The following CDH2 variants were observed in gnomAD, a reference collection of about 807,000 sequenced individuals.
CDH2 encodes the protein cadherin 2, also known as cadherin-2.
In CDH2, 17 loss-of-function variants were observed where a neutral mutation model predicts 92.0. The ratio of observed to expected loss-of-function variants is 0.18; its 90% CI spans 0.13 to 0.28. The LOEUF is 0.28. Among genes scored for constraint, CDH2 ranks in the 10% least tolerant of loss-of-function variants. The pLI, the probability that CDH2 is intolerant of heterozygous loss-of-function variation, is 1.00. For synonymous variants in CDH2, 419 were observed against 415.9 expected, an observed-to-expected ratio of 1.01 and a Z score of -0.09; for missense variants, 862 against 1,133.1, an observed-to-expected ratio of 0.76 and a Z score of 3.44.
At chr18:28,135,568 T>G (rs2015847894) in intron 2 of CDH2, among the ~76,000 whole-genome samples, 1 of 152,176 alleles carries the variant, frequency 6.6e-6, no homozygotes, top group Admixed American at 6.5e-5. Context: ...TGTGAGATTA[T>G]CCCATAAGGG....
At chr18:28,120,233 G>A (rs1367105488) in intron 2 of CDH2, among the ~76,000 whole-genome samples, 2 of 151,818 alleles carry the variant, frequency 1.3e-5, no homozygotes, top group Non-Finnish European at 2.9e-5. Flanking sequence ...TACACACACA[G>A]GCACATTCAT....
At chr18:28,026,491 A>G (rs942257634) in intron 2 of CDH2, among the ~76,000 whole-genome samples, 2 of 152,094 alleles carry the variant, frequency 1.3e-5, no homozygotes, top group Non-Finnish European at 2.9e-5. Flanking sequence ...CCAGAATGAC[A>G]GAGGTATCAA....
rs377330457 is a variant in CDH2 at position 28,144,252 on chromosome 18, A to G, written c.172+3421T>C. On this transcript the variant is annotated intron_variant, in intron 2 of 15. Transcript: ENST00000269141. ...TATTTTTAAAATGAAGAGTTTGGCCATAAATGCTTTTAAAACAGAATAGAA... is the reference window on the plus strand; with the variant it reads ...TATTTTTAAAATGAAGAGTTTGGCCGTAAATGCTTTTAAAACAGAATAGAA... 2.0e-5 allele frequency among the ~76,000 whole-genome samples: 3 copies of G among 152,182 alleles called. No homozygotes were observed. The South Asian group carries it at 6.2e-4, about 32-fold the overall frequency.
At chr18:28,008,739 T>A (rs2013012855) in intron 5 of CDH2, among the ~76,000 whole-genome samples, 2 of 149,202 alleles carry the variant, frequency 1.3e-5, no homozygotes, top group African/African-American at 4.9e-5. Context: ...ACTTAAAGTA[T>A]AATATAAAAA....
chr18:27,942,522 C>T lies in CDH2; in HGVS notation c.1152-9398G>A, dbSNP rs561580968. On this transcript the variant is annotated intron_variant, in intron 6 of 6. Transcript: ENST00000675173. ...CTAGGGAGAATCATACCAGTCTGTACCTCTGGCCATGTTTAATTTCTTCTC... is the reference window on the plus strand; with the variant it reads ...CTAGGGAGAATCATACCAGTCTGTATCTCTGGCCATGTTTAATTTCTTCTC... Among the ~76,000 whole-genome samples, 17 of 152,232 alleles carry T rather than the reference C, an allele frequency of 1.1e-4. No individual in the cohort carries two copies. The South Asian group carries it at 2.7e-3, about 24-fold the overall frequency.
rs973972520 is a variant in CDH2 at position 28,079,081 on chromosome 18, T to C, written c.173-65172A>G. Among the ~76,000 whole-genome samples, 15 of 152,310 alleles carry C rather than the reference T, an allele frequency of 9.8e-5. No individual in the cohort carries two copies. In the East Asian group the frequency reaches 2.1e-3, roughly 22 times the overall value. ...CAACTTAGTAAATCCTCAGCAAATATTTGCTCAATAAGATAGTAAAATCGT... is the reference window on the plus strand; with the variant it reads ...CAACTTAGTAAATCCTCAGCAAATACTTGCTCAATAAGATAGTAAAATCGT... On this transcript the variant is annotated intron_variant, in intron 2 of 15. Transcript: ENST00000269141.
rs192120155 is a variant in CDH2 at position 27,958,817 on chromosome 18, G to A, written c.2514+4540C>T. 8.5e-5 allele frequency among the ~76,000 whole-genome samples: 13 copies of A among 152,182 alleles called. No homozygotes were observed. In the East Asian group the frequency reaches 1.4e-3, roughly 16 times the overall value. On this transcript the variant is annotated intron_variant, in intron 15 of 15. Transcript: ENST00000269141. ...TATGCTGCCGCTCTCACGATAGTGC[G>A]TTCTCATGAGATCTGATGGTTTTGT... is the stretch of plus-strand genomic sequence containing the variant.
At chr18:28,051,419 C>T (rs1200101947) in intron 2 of CDH2, among the ~76,000 whole-genome samples, 5 of 152,154 alleles carry the variant, frequency 3.3e-5, no homozygotes, top group African/African-American at 1.2e-4. Flanking sequence ...GTTATCTCTA[C>T]AGTCTGTAAT....
chr18:27,952,069 GT>G lies in CDH2; in HGVS notation c.*83del. The stretch of plus-strand genomic sequence containing the variant: ...AAGCACTGTGCTAGTAGACTACAAA[GT>G]TAAAGCCTAGCTTCTGAATGCTTTT... On this transcript the variant is annotated 3_prime_UTR_variant, in exon 16 of 16. Coordinates refer to ENST00000269141, the MANE Select transcript of CDH2 (RefSeq NM_001792.5). 8.0e-7 allele frequency: 1 copy of G among 1,246,824 alleles called. No individual in the cohort carries two copies. Among genetic ancestry groups the G allele is most frequent in the East Asian group, 2.3e-5 (1 of 43,148 alleles). 77.2% of individuals were successfully genotyped at this position (1,246,824 alleles called of 1,614,324 possible). A position where few individuals can be genotyped will look rare whatever the true frequency, so the allele number is the denominator to read the frequency against.
chr18:28,144,402 C>A (rs933432864), intron 2 of CDH2, among the ~76,000 whole-genome samples: 2 of 151,736 alleles, frequency 1.3e-5, no homozygotes. Flanking sequence ...AGCAAAATGA[C>A]AATATATTAT....
At chr18:27,960,359 G>A (rs1337496682) in intron 15 of CDH2, among the ~76,000 whole-genome samples, 2 of 152,280 alleles carry the variant, frequency 1.3e-5, no homozygotes, top group East Asian at 3.9e-4. Context: ...AAATGGGAAA[G>A]GAATTCTAGA....
At chr18:28,100,603 T>C (rs1057121285) in intron 2 of CDH2, among the ~76,000 whole-genome samples, 3 of 147,006 alleles carry the variant, frequency 2.0e-5, no homozygotes, top group African/African-American at 8.2e-5. Flanking sequence ...CCAGGATACA[T>C]GAGCATGTCA....
At chr18:27,991,317 T>G (rs1028011287) in intron 9 of CDH2, among the ~76,000 whole-genome samples, 1 of 152,206 alleles carries the variant, frequency 6.6e-6, no homozygotes. Context: ...AGCTTCATTA[T>G]CAGCAGAAAC....
chr18:27,988,654 T>A lies in CDH2; in HGVS notation c.1611A>T (p.Leu537Phe). 1.3e-6 allele frequency: 2 copies of A among 1,597,816 alleles called. No homozygotes were observed. Among genetic ancestry groups the A allele is most frequent in the Non-Finnish European group, 1.7e-6 (2 of 1,167,414 alleles). ...YMQQNIRYTK[L>F]SDPANWLKID... ...TTTTTAGCCAATTGGCAGGATCAGA[T>A]AATTTAGTGTATCTACAAAATGAAA... The change falls in exon 11 of 16, where the codon TTA becomes TTT. Residue 537 changes from leucine (L) to phenylalanine (F), a missense_variant. Physicochemically the swap from Leu to Phe is conservative, Grantham distance 22. This residue lies in a region of CDH2 where 564 missense variants were observed against 722.2 expected (regional missense o/e 0.78). Transcript: ENST00000269141.
intron 2 of CDH2, among the ~76,000 whole-genome samples, chr18:28,061,006 C>T (rs953806892): frequency 3.9e-5 from 6 of 152,166 alleles, no homozygotes; most frequent in Non-Finnish European, 8.8e-5. Flanking sequence ...AAAACTAGCA[C>T]TAACACTAAA....
At chr18:28,062,038 T>G (rs1227651771) in intron 2 of CDH2, among the ~76,000 whole-genome samples, 2 of 152,182 alleles carry the variant, frequency 1.3e-5, no homozygotes, top group Non-Finnish European at 2.9e-5. Flanking sequence ...TCATTCCTTT[T>G]GACAGCCACA....
chr18:28,102,495 C>T (rs993531637), intron 2 of CDH2, among the ~76,000 whole-genome samples: 10 of 152,110 alleles, frequency 6.6e-5, no homozygotes, highest in Non-Finnish European at 1.3e-4. Context: ...CTATGGACTA[C>T]GTGCAAGAAA....
intron 2 of CDH2, among the ~76,000 whole-genome samples, chr18:28,072,939 T>C (rs2014647607): frequency 7.2e-6 from 1 of 138,274 alleles, no homozygotes; most frequent in African/African-American, 2.7e-5. Context: ...TATACACACA[T>C]ATATACTCAC....
chr18:28,157,788 T>C lies in CDH2; in HGVS notation c.61-10004A>G, dbSNP rs192728677. Among the ~76,000 whole-genome samples, 654 of 152,042 alleles carry C rather than the reference T, an allele frequency of 4.3e-3. 2 individuals carry two copies. The highest frequency in any genetic ancestry group is 0.015 in the African/African-American group (628 of 41,464). The stretch of plus-strand genomic sequence containing the variant: ...TGTTTCTGTTCACTATGGAAAAAAT[T>C]AGGAAAAAAAAAGACTTCAGGTAAA... On this transcript the variant is annotated intron_variant, in intron 1 of 15. Coordinates refer to ENST00000269141, the MANE Select transcript of CDH2 (RefSeq NM_001792.5).
Sources: gnomAD v4.1 joint callset for allele counts (sites outside exome capture counted in the v4.1 genomes callset) on GRCh38, gnomAD v4.1.1 for gene constraint, gnomAD v4.1.1 regional missense constraint, MANE v1.5 for transcripts, NCBI Gene and HGNC (gene_info 2026-07-23, HGNC 2026-07-21) for gene names.